The following TRMT9B variants were observed in gnomAD, a reference collection of about 807,000 sequenced individuals.
The protein encoded by TRMT9B is tRNA methyltransferase 9B (putative), also known as probable tRNA methyltransferase 9B.
Under a neutral mutation model 11.5 loss-of-function variants are expected in TRMT9B, and 16 were observed. The observed-to-expected ratio is 1.39, with a 90% CI of 0.94 to 2.11. The LOEUF is 2.11. TRMT9B is among the 30% of genes most tolerant of loss of function. The pLI is 0.00. For synonymous variants in TRMT9B, 274 were observed against 192.4 expected (o/e 1.42, Z -3.51); for missense variants, 941 against 553.8 (o/e 1.70, Z -7.02).
intron 3 of TRMT9B, chr8:13,011,411 G>A: frequency 1.0e-6 from 1 of 985,390 alleles, no homozygotes; most frequent in Non-Finnish European, 1.2e-6. Flanking sequence ...GTGTCCTGAT[G>A]TATTTCAGAA....
chr8:12,990,203 T>G (rs1303724931), intron 1 of TRMT9B, among the ~76,000 whole-genome samples: 3 of 152,208 alleles, frequency 2.0e-5, no homozygotes, highest in African/African-American at 7.2e-5. Context: ...TCACCCCACT[T>G]GCAGACAAGC....
intron 1 of TRMT9B, among the ~76,000 whole-genome samples, chr8:12,950,318 C>G (rs542180407): frequency 1.3e-4 from 20 of 152,290 alleles, no homozygotes; most frequent in African/African-American, 4.6e-4. Context: ...GAGTATTTAT[C>G]AGGTCCTACT....
At chr8:12,990,677 T>C (rs1807178551) in intron 1 of TRMT9B, among the ~76,000 whole-genome samples, 157 bp from the exon 2 acceptor site, 1 of 152,256 alleles carries the variant, frequency 6.6e-6, no homozygotes, top group African/African-American at 2.4e-5. Context: ...TTTGAACTGC[T>C]CTTATAATTC....
At chr8:13,005,085 C>CAAAAAAAAA (rs1223540759) in intron 2 of TRMT9B, among the ~76,000 whole-genome samples, 3 of 87,694 alleles carry the variant, frequency 3.4e-5, no homozygotes, top group African/African-American at 1.3e-4. Flanking sequence ...GACTGCATCT[C>CAAAAAAAAA]AAAAAAAAAA....
chr8:13,019,844 A>G (rs1378532604), intron 4 of TRMT9B, among the ~76,000 whole-genome samples: 2 of 152,216 alleles, frequency 1.3e-5, no homozygotes, highest in African/African-American at 2.4e-5. Context: ...TTCTAGCAGA[A>G]TGAAATACAC....
rs752457089 is a variant in TRMT9B at position 13,021,438 on chromosome 8, C to G, written c.759C>G (p.Ser253=). The change falls in exon 5 of 5, where the codon TCC becomes TCG. Residue 253 remains serine, a synonymous_variant. Coordinates refer to ENST00000524591, the MANE Select transcript of TRMT9B (RefSeq NM_020844.3). ...LGKSFRSWFF[S]RSLDESTLRK... is the part of the protein sequence containing the mutation. ...AATCGTTTCGTTCCTGGTTTTTCTC[C>G]AGATCTTTGGATGAATCGACTCTGA... 6.2e-7 allele frequency: 1 copy of G among 1,613,988 alleles called. No individual in the cohort carries two copies. The highest frequency in any genetic ancestry group is 8.5e-7 in the Non-Finnish European group (1 of 1,179,894).
chr8:12,959,291 C>A (rs936775345), intron 1 of TRMT9B, among the ~76,000 whole-genome samples: 2 of 152,100 alleles, frequency 1.3e-5, no homozygotes, highest in Non-Finnish European at 2.9e-5. Context: ...AAATCCCACA[C>A]CTGACTTCAC....
intron 1 of TRMT9B, among the ~76,000 whole-genome samples, chr8:12,982,999 G>A (rs540227708): frequency 2.0e-5 from 3 of 152,286 alleles, no homozygotes; most frequent in South Asian, 4.1e-4. Flanking sequence ...CACCAACCAC[G>A]GGTTCCCCAC....
chr8:12,968,659 C>T (rs1266028719), intron 1 of TRMT9B, among the ~76,000 whole-genome samples: 1 of 152,148 alleles, frequency 6.6e-6, no homozygotes, highest in Non-Finnish European at 1.5e-5. Context: ...AGTCAGTCCT[C>T]AGGGTGGGAG....
chr8:12,976,848 C>A (rs1201019587), intron 1 of TRMT9B, among the ~76,000 whole-genome samples: 1 of 152,138 alleles, frequency 6.6e-6, no homozygotes, highest in African/African-American at 2.4e-5. Context: ...TGCCCAGCAT[C>A]AGCTCTGACC....
chr8:13,022,182 G>GT lies in TRMT9B; in HGVS notation c.*140dup, dbSNP rs1430044837. The GT allele has an allele frequency of 6.8e-5, 38 of 554,824 alleles. No individual in the cohort carries two copies. The East Asian group carries it at 1.1e-3, about 16-fold the overall frequency. The allele number at this position is 554,824 out of a possible 1,614,324, so 34.4% of individuals were successfully genotyped here. ...GTCTGCAGAGACTATTAATTATTTGGTTGTTTTGTTTTCATTTTTGAATAA... is the reference window on the plus strand; with the variant it reads ...GTCTGCAGAGACTATTAATTATTTGGTTTGTTTTGTTTTCATTTTTGAATAA... On this transcript the variant is annotated 3_prime_UTR_variant, in exon 5 of 5. Transcript: ENST00000524591.
At chr8:13,012,399 A>G in intron 3 of TRMT9B, 1 of 513,602 alleles carries the variant, frequency 1.9e-6, no homozygotes, top group Admixed American at 5.5e-5. Flanking sequence ...CAACATGGAG[A>G]AACCCGTCTC....
intron 4 of TRMT9B, among the ~76,000 whole-genome samples, chr8:13,014,863 C>G (rs1445254016): frequency 6.6e-6 from 1 of 151,936 alleles, no homozygotes; most frequent in East Asian, 1.9e-4. Flanking sequence ...GAGTTCAAGA[C>G]CAGCCTGGCC....
intron 3 of TRMT9B, 185 bp downstream of exon 3, chr8:13,006,541 T>C (rs1475578719): frequency 1.4e-6 from 2 of 1,433,822 alleles, no homozygotes; most frequent in East Asian, 2.5e-5. Flanking sequence ...CATTGATTTT[T>C]CATTTTTGTT....
At position 13,021,809 on chromosome 8, in the gene TRMT9B, G is replaced by C; in HGVS notation, c.1130G>C (p.Arg377Thr). 6.2e-7 allele frequency: 1 copy of C among 1,613,778 alleles called. No homozygotes were observed. The highest frequency in any genetic ancestry group is 8.5e-7 in the Non-Finnish European group (1 of 1,179,754). The change falls in exon 5 of 5, where the codon AGA becomes ACA. Residue 377 changes from arginine to threonine, a missense_variant. Coordinates refer to ENST00000524591, the MANE Select transcript of TRMT9B (RefSeq NM_020844.3). ...AATCCTTCTGCTAGTAAAATATTGA[G>C]AAGGATTTCTGCAGTTGATTCCACA... ...DDNPSASKILRRISAVDSTDF... is the reference protein window; with the variant it reads ...DDNPSASKILTRISAVDSTDF...
chr8:13,017,223 G>C (rs1812890823), intron 4 of TRMT9B, among the ~76,000 whole-genome samples: 1 of 152,092 alleles, frequency 6.6e-6, no homozygotes, highest in African/African-American at 2.4e-5. Context: ...CTGAAGTTTA[G>C]AGAGGCGAGG....
intron 4 of TRMT9B, among the ~76,000 whole-genome samples, chr8:13,015,125 G>T (rs982792110): frequency 6.6e-6 from 1 of 150,892 alleles, no homozygotes; most frequent in South Asian, 2.1e-4. Context: ...GAAATCTGTG[G>T]ACTGCTTGGT....
chr8:12,963,578 C>G (rs983866460), intron 1 of TRMT9B, among the ~76,000 whole-genome samples: 1 of 152,048 alleles, frequency 6.6e-6, no homozygotes, highest in African/African-American at 2.4e-5. Context: ...GGTGAAACCC[C>G]GTCTCTACAA....
In TRMT9B at chr8:12,945,682, T is replaced by A. The variant is rs1422389397; in HGVS notation, c.-484T>A. 1.3e-5 allele frequency: 2 copies of A among 152,238 alleles called. No homozygotes were observed. The highest frequency in any genetic ancestry group is 1.9e-4 in the East Asian group (1 of 5,198). The allele number at this position is 152,238 out of a possible 1,614,324, so 9.4% of individuals were successfully genotyped here. A position where few individuals can be genotyped will look rare whatever the true frequency, so the allele number is the denominator to read the frequency against. ...ATCCGGTGTGTGTTTTATTCAGTAT[T>A]GTGTAGTACAGAAAAGATCACACAT... On this transcript the variant is annotated 5_prime_UTR_variant, in exon 1 of 5. Coordinates refer to ENST00000524591, the MANE Select transcript of TRMT9B (RefSeq NM_020844.3).
Sources: allele counts gnomAD v4.1 joint callset (sites outside exome capture counted in the v4.1 genomes callset), GRCh38; gene constraint gnomAD v4.1.1; transcripts MANE v1.5; gene names NCBI Gene and HGNC (gene_info 2026-07-23, HGNC 2026-07-21).